SLC7A10: variants seen among roughly 807,000 people sequenced by gnomAD.
SLC7A10 encodes solute carrier family 7 member 10, also known as asc-type amino acid transporter 1.
SLC7A10 carries 30 observed loss-of-function variants against 52.7 expected under a neutral mutation model. The observed-to-expected ratio is 0.57, with a 90% confidence interval of 0.43 to 0.77. The LOEUF is 0.77. SLC7A10 is among the 30% of genes least tolerant of loss of function. The pLI is 0.00. For synonymous variants in SLC7A10, 318 were observed against 314.9 expected, an observed-to-expected ratio of 1.01 and a Z score of -0.10; for missense variants, 581 against 698.5, an observed-to-expected ratio of 0.83 and a Z score of 1.90.
At chr19:33,214,676 C>G (rs576360054) in intron 2 of SLC7A10, among the ~76,000 whole-genome samples, 2 of 152,228 alleles carry the variant, frequency 1.3e-5, no homozygotes, top group African/African-American at 2.4e-5. Context: ...CAGCTAGGCC[C>G]GGTGGGGAAA....
In SLC7A10 at chr19:33,210,967, T is replaced by C. The variant is rs761411529; in HGVS notation, c.1017-69A>G. ...TCAGCTTTGGACCTGATGTCCCTCTTAAGCTGTCGCCTCTGACCTCCTGCT... is the reference window on the plus strand; with the variant it reads ...TCAGCTTTGGACCTGATGTCCCTCTCAAGCTGTCGCCTCTGACCTCCTGCT... On this transcript the variant is annotated intron_variant, in intron 7 of 10. Transcript: ENST00000253188. This position sits in a 1 kb window ranked among gnomAD's most constrained non-coding sequence, Gnocchi z 5.6. The C allele has an allele frequency of 1.5e-5, 22 of 1,473,576 alleles. 1 individual carries two copies. The African/African-American group carries it at 3.1e-4, about 20-fold the overall frequency. The allele number at this position is 1,473,576 out of a possible 1,614,324, so 91.3% of individuals were successfully genotyped here.
intron 1 of SLC7A10, among the ~76,000 whole-genome samples, chr19:33,225,089 T>C (rs527634604): frequency 6.6e-6 from 1 of 152,346 alleles, no homozygotes; most frequent in African/African-American, 2.4e-5. Flanking sequence ...ATAAAGTCAC[T>C]GCACTGCGTG....
rs149022753 is a variant in SLC7A10 at position 33,215,827 on chromosome 19, T to C, written c.298A>G (p.Ile100Val). 5.7e-6 allele frequency: 9 copies of C among 1,586,324 alleles called. No individual in the cohort carries two copies. The highest frequency in any genetic ancestry group is 1.3e-5 in the African/African-American group (1 of 74,146). Reference protein sequence around the residue: ...SLCYAELGVAIPKSGGDYAYV... With the variant: ...SLCYAELGVAVPKSGGDYAYV... ...GCGTAGTCCCCGCCAGACTTGGGGA[T>C]GGCGACTCCCAGCTCTGCATAGCAG... is the stretch of plus-strand genomic sequence containing the variant. Residue 100 changes from isoleucine to valine, a missense_variant, in exon 2 of 11, where the codon ATC becomes GTC. Ile to Val is a conservative substitution (Grantham distance 29, BLOSUM62 3). Transcript: ENST00000253188.
At chr19:33,211,812 G>A (rs776946381) in intron 5 of SLC7A10, 6 of 545,192 alleles carry the variant, frequency 1.1e-5, no homozygotes, top group South Asian at 2.1e-5. Flanking sequence ...AGATAAAATC[G>A]CATACAGCCA....
chr19:33,217,734 C>T (rs1200996917), intron 1 of SLC7A10: 1 of 152,336 alleles, frequency 6.6e-6, no homozygotes, highest in Non-Finnish European at 1.5e-5. Context: ...TTTGTATTCA[C>T]TCCTTGTCCA....
At chr19:33,216,858 G>A (rs1447013717) in intron 1 of SLC7A10, among the ~76,000 whole-genome samples, 1 of 152,082 alleles carries the variant, frequency 6.6e-6, no homozygotes, top group Non-Finnish European at 1.5e-5. Flanking sequence ...GGGATTACAG[G>A]CATGAGTCAC....
At chr19:33,217,084 C>T (rs1974703337) in intron 1 of SLC7A10, among the ~76,000 whole-genome samples, 1 of 151,488 alleles carries the variant, frequency 6.6e-6, no homozygotes, top group Non-Finnish European at 1.5e-5. Flanking sequence ...ACTATATTGC[C>T]TAGGCTGGTC....
rs1248244907 is a variant in SLC7A10, at chr19:33,215,758, C to A, written c.356+11G>T. On this transcript the variant is annotated intron_variant, in intron 2 of 10. Transcript: ENST00000253188. ...AGGGTGTCCCCCTGCCCGCTGGTGC[C>A]CCACACTCACCCAGCCAGGCCCCCG... The A allele has an allele frequency of 6.4e-7, 1 of 1,552,356 alleles. No individual in the cohort carries two copies. The highest frequency in any genetic ancestry group is 2.0e-5 in the Admixed American group (1 of 51,124).
In SLC7A10 at chr19:33,208,835, C is replaced by A. The variant is rs1974466395; in HGVS notation, c.*56G>T. On this transcript the variant is annotated 3_prime_UTR_variant, in exon 11 of 11. Transcript: ENST00000253188. The surrounding 1 kb of genome is among the most constrained non-coding windows in gnomAD (Gnocchi z 4.7). ...AAAACAAAACTTTTTTGCCAAAACA[C>A]CTCCTCAATAAACAACATGTAAACA... 6.2e-6 allele frequency: 10 copies of A among 1,610,834 alleles called. No homozygotes were observed. The highest frequency in any genetic ancestry group is 8.5e-6 in the Non-Finnish European group (10 of 1,178,490).
In SLC7A10 at chr19:33,211,812, G is replaced by T. The variant is rs776946381; in HGVS notation, c.789-275C>A. Reference sequence around the variant, plus strand: ...GATGTCTGTGCAGAAAGATAAAATCGCATACAGCCAAAATCAGCCTGGAAA... The same window carrying T: ...GATGTCTGTGCAGAAAGATAAAATCTCATACAGCCAAAATCAGCCTGGAAA... On this transcript the variant is annotated intron_variant, in intron 5 of 10. Transcript: ENST00000253188. 1.7e-5 allele frequency: 9 copies of T among 545,074 alleles called. No individual in the cohort carries two copies. In the East Asian group the frequency reaches 3.0e-4, roughly 18 times the overall value. The allele number at this position is 545,074 out of a possible 1,614,324, so 33.8% of individuals were successfully genotyped here.
At chr19:33,225,139 C>T (rs930697745) in intron 1 of SLC7A10, among the ~76,000 whole-genome samples, 3 of 152,254 alleles carry the variant, frequency 2.0e-5, no homozygotes, top group African/African-American at 7.2e-5. Flanking sequence ...CAGACTGACC[C>T]ACAGTACAGA....
rs1288783355 is a variant in SLC7A10, at chr19:33,218,661, ATTTC to A, written c.152-2692_152-2689del. Among the ~76,000 whole-genome samples the A allele has an allele frequency of 4.3e-3, 222 of 51,178 alleles. 9 individuals carry two copies. Among genetic ancestry groups the A allele is most frequent in the African/African-American group, 0.011 (212 of 19,146 alleles). 33.6% of individuals were successfully genotyped at this position (51,178 alleles called of 152,430 possible). On this transcript the variant is annotated intron_variant, in intron 1 of 10. Transcript: ENST00000253188. ...GGAGGGGTATGGGAGGGACCGGTGG[ATTTC>A]TTTCTTTCTTTCTTTCTTTTTTTTT...
In SLC7A10 at chr19:33,215,036, C is replaced by T. The variant is rs571998211; in HGVS notation, c.356+733G>A. ...AATCCTAGCACTTGGGAGGCTGAGG[C>T]GGGTGGATCACCTGAGGTCAGGAGT... is the stretch of plus-strand genomic sequence containing the variant. On this transcript the variant is annotated intron_variant, in intron 2 of 10. Transcript: ENST00000253188. 6.6e-5 allele frequency among the ~76,000 whole-genome samples: 10 copies of T among 152,206 alleles called. No individual in the cohort carries two copies. In the South Asian group the frequency reaches 1.5e-3, roughly 22 times the overall value.
chr19:33,214,938 T>C (rs574149871), intron 2 of SLC7A10, among the ~76,000 whole-genome samples: 6 of 152,094 alleles, frequency 3.9e-5, no homozygotes, highest in Non-Finnish European at 8.8e-5. Context: ...AAATATTCCC[T>C]GGTGAACGAA....
chr19:33,209,184 G>T, intron 10 of SLC7A10, 124 bp downstream of exon 10: 1 of 1,516,226 alleles, frequency 6.6e-7, no homozygotes, highest in Non-Finnish European at 9.0e-7. Flanking sequence ...TTTGGTGGCG[G>T]CTGGGCCCTG....
At chr19:33,211,750 G>T in intron 5 of SLC7A10, 3 of 865,882 alleles carry the variant, frequency 3.5e-6, no homozygotes, top group Middle Eastern at 3.6e-4. Context: ...GATGGGAGAT[G>T]GGGGAGGGGC....
In SLC7A10 at chr19:33,212,867, C is replaced by T. The variant is rs780420564; in HGVS notation, c.492G>A (p.Leu164=). ...GATGCTTACTCAGGCAGGCCATGGA[C>T]AGCACCCGGGAGGCTGTGGTGGGGG... ...CIPPTTASRV[L]SMACLMLLTW... is the part of the protein sequence containing the mutation. The change falls in exon 3 of 11, where the codon CTG becomes CTA. Residue 164 remains leucine, a synonymous_variant. Transcript: ENST00000253188. 6.2e-7 allele frequency: 1 copy of T among 1,613,978 alleles called. No homozygotes were observed. The highest frequency in any genetic ancestry group is 1.7e-5 in the Admixed American group (1 of 60,012).
At position 33,209,374 on chromosome 19, in the gene SLC7A10, C is replaced by T; in HGVS notation, c.1375G>A (p.Gly459Arg). The change falls in exon 10 of 11, where the codon GGG (glycine) becomes AGG (arginine). Residue 459 changes from glycine (G) to arginine (R), a missense_variant. By Grantham distance (125) the Gly-to-Arg change is moderately radical. Transcript: ENST00000253188. ...ACTCCCAGAAAGAAAATGGGCACCC[C>T]CGTAAGGATGATGATGACGCCGACC... The part of the protein sequence containing the change: ...CGVGVIIILT[G>R]VPIFFLGVFW... 1 of 1,614,042 alleles carries T rather than the reference C, an allele frequency of 6.2e-7. No individual in the cohort carries two copies. Among genetic ancestry groups the T allele is most frequent in the Admixed American group, 1.7e-5 (1 of 60,006 alleles).
intron 1 of SLC7A10, among the ~76,000 whole-genome samples, chr19:33,216,622 C>A (rs574521062): frequency 3.9e-5 from 6 of 152,222 alleles, no homozygotes; most frequent in African/African-American, 1.4e-4. Flanking sequence ...CCTTTCCTTT[C>A]CTTTCTCTTT....
Sources: gnomAD v4.1 joint callset for allele counts (sites outside exome capture counted in the v4.1 genomes callset) on GRCh38, gnomAD v4.1.1 for gene constraint, Gnocchi (gnomAD v3.1) non-coding constraint, MANE v1.5 for transcripts, NCBI Gene and HGNC (gene_info 2026-07-23, HGNC 2026-07-21) for gene names.